The following DGKI variants were observed in gnomAD, a reference collection of about 807,000 sequenced individuals.
The protein encoded by DGKI is DAG kinase iota.
A neutral mutation model predicts 147.5 loss-of-function variants in DGKI; 55 were observed. The observed-to-expected ratio is 0.37, with a 90% confidence interval of 0.30 to 0.47. The LOEUF is 0.47. Ranked by LOEUF, DGKI falls within the 20% of genes least tolerant of loss-of-function variation. The probability of loss-of-function intolerance (pLI) is 1.00; values close to 1 mark genes in which losing one functional copy is unlikely to be tolerated. For synonymous variants in DGKI, 469 were observed against 477.1 expected (o/e 0.98, Z 0.22); for missense variants, 1,007 against 1,323.8 (o/e 0.76, Z 3.71).
chr7:137,455,752 G>A (rs2351385), intron 27 of DGKI, among the ~76,000 whole-genome samples: 107,919 of 151,456 alleles, frequency 0.71, 40,832 homozygotes, highest in Non-Finnish European at 0.84. Context: ...GGTTCAGAGG[G>A]CCCCAGAAGT....
intron 6 of DGKI, among the ~76,000 whole-genome samples, chr7:137,645,034 C>A (rs1485206375): frequency 6.6e-6 from 1 of 152,180 alleles, no homozygotes; most frequent in Admixed American, 6.5e-5. Context: ...TGGATAATGT[C>A]CCAAGGGAGC....
chr7:137,620,015 ACACG>A, intron 7 of DGKI, 75 bp from the exon 8 acceptor site: 3 of 701,844 alleles, frequency 4.3e-6, no homozygotes, highest in South Asian at 1.6e-5. Flanking sequence ...AAATATGTAC[ACACG>A]CACACACACA....
chr7:137,401,455 CA>C (rs1406187165), intron 30 of DGKI, among the ~76,000 whole-genome samples: 2 of 151,882 alleles, frequency 1.3e-5, no homozygotes, highest in Non-Finnish European at 2.9e-5. Context: ...TGCTTGAGCC[CA>C]GGAGATCAAA....
rs574115820 is a variant in DGKI, at chr7:137,679,196, A to T, written c.511-544T>A. On this transcript the variant is annotated intron_variant, in intron 2 of 32. Transcript: ENST00000614521. ...CTAAGTCCCTGTGTACTCAAAGCATAATACGTTTCTGCTAATTCACATCTT... is the reference window on the plus strand; with the variant it reads ...CTAAGTCCCTGTGTACTCAAAGCATTATACGTTTCTGCTAATTCACATCTT... Among the ~76,000 whole-genome samples the T allele has an allele frequency of 7.4e-4, 112 of 152,330 alleles. 1 individual carries two copies. Among genetic ancestry groups the T allele is most frequent in the African/African-American group, 2.5e-3 (104 of 41,578 alleles).
chr7:137,777,905 C>T (rs6978836), intron 1 of DGKI, among the ~76,000 whole-genome samples: 48,522 of 151,900 alleles, frequency 0.32, 7,922 homozygotes, highest in Middle Eastern at 0.42. Context: ...CCTAAAATTT[C>T]GTCATAAATA....
chr7:137,654,852 G>GGA, intron 4 of DGKI, 64 bp from the exon 5 acceptor site: 1 of 696,712 alleles, frequency 1.4e-6, no homozygotes, highest in South Asian at 2.1e-5. Context: ...TGAATTACCT[G>GGA]AAAAAAAAAA....
intron 22 of DGKI, 27 bp downstream of exon 22, chr7:137,487,583 A>T (rs751663862): frequency 1.9e-6 from 3 of 1,590,548 alleles, no homozygotes; most frequent in Non-Finnish European, 2.6e-6. Context: ...AGTTGAGGAG[A>T]ATAAAAAATT....
intron 23 of DGKI, among the ~76,000 whole-genome samples, chr7:137,470,352 T>G (rs541200625): frequency 4.6e-5 from 7 of 152,128 alleles, no homozygotes; most frequent in Non-Finnish European, 1.5e-5. Flanking sequence ...CCATCATTCT[T>G]TCCTCTGGGT....
At position 137,623,477 on chromosome 7, in the gene DGKI, T is replaced by A. The variant is rs754789718; in HGVS notation, c.876+6A>T. The A allele has an allele frequency of 5.0e-6, 8 of 1,613,588 alleles. No homozygotes were observed. The highest frequency in any genetic ancestry group is 6.8e-6 in the Non-Finnish European group (8 of 1,179,538). On this transcript the variant is annotated splice_donor_region_variant and intron_variant, in intron 7 of 32. Transcript: ENST00000614521. ...CCCACATTGCTTTATTTCATCCCAA[T>A]CTTACCGCCTGCTTGCACCAGGAAC...
chr7:137,580,431 G>A (rs1195667616), intron 15 of DGKI, among the ~76,000 whole-genome samples: 1 of 152,138 alleles, frequency 6.6e-6, no homozygotes, highest in Non-Finnish European at 1.5e-5. Context: ...GAGGCGGAAA[G>A]TGGTAGTGTT....
intron 2 of DGKI, among the ~76,000 whole-genome samples, chr7:137,685,551 A>G (rs1823386762): frequency 1.3e-5 from 2 of 152,232 alleles, no homozygotes; most frequent in South Asian, 4.1e-4. Context: ...ATGCTTCTAA[A>G]TGGACTAATT....
intron 1 of DGKI, among the ~76,000 whole-genome samples, chr7:137,737,477 C>T: frequency 6.6e-6 from 1 of 151,370 alleles, no homozygotes; most frequent in Non-Finnish European, 1.5e-5. Flanking sequence ...AAGCAAAAAC[C>T]TTGATGATAA....
At chr7:137,780,348 A>G (rs1460505380) in intron 1 of DGKI, among the ~76,000 whole-genome samples, 1 of 152,206 alleles carries the variant, frequency 6.6e-6, no homozygotes, top group Non-Finnish European at 1.5e-5. Context: ...TGATCAGAGA[A>G]GTAGAGTAAG....
chr7:137,701,248 A>G (rs1430114792), intron 1 of DGKI, among the ~76,000 whole-genome samples: 1 of 152,204 alleles, frequency 6.6e-6, no homozygotes, highest in Non-Finnish European at 1.5e-5. Context: ...ACATAATGGT[A>G]CAGAACTGAG....
At chr7:137,404,503 G>C (rs1396901690) in intron 30 of DGKI, among the ~76,000 whole-genome samples, 1 of 152,086 alleles carries the variant, frequency 6.6e-6, no homozygotes, top group Non-Finnish European at 1.5e-5. Context: ...GGTGATCCTT[G>C]GACTGAACAT....
chr7:137,555,288 G>C (rs534031700), intron 19 of DGKI, among the ~76,000 whole-genome samples: 17 of 151,960 alleles, frequency 1.1e-4, no homozygotes, highest in African/African-American at 3.9e-4. Flanking sequence ...CACTTTGGGA[G>C]GCCAAAGTGG....
intron 28 of DGKI, among the ~76,000 whole-genome samples, chr7:137,433,404 A>G (rs2128912417): frequency 1.3e-5 from 2 of 152,338 alleles, no homozygotes; most frequent in South Asian, 4.1e-4. Context: ...AGTCCTTTGC[A>G]AGAGGAGGCC....
chr7:137,393,258 C>T (rs1356888463), intron 32 of DGKI, among the ~76,000 whole-genome samples: 1 of 151,876 alleles, frequency 6.6e-6, no homozygotes, highest in South Asian at 2.1e-4. Flanking sequence ...ACATACACAA[C>T]ACAAAACAGA....
chr7:137,739,570 G>T (rs1795120066), intron 1 of DGKI, among the ~76,000 whole-genome samples: 1 of 152,136 alleles, frequency 6.6e-6, no homozygotes, highest in Non-Finnish European at 1.5e-5. Flanking sequence ...TGGCTTACTT[G>T]CTAATTTCCC....
Sources: allele counts gnomAD v4.1 joint callset (sites outside exome capture counted in the v4.1 genomes callset), GRCh38; gene constraint gnomAD v4.1.1; transcripts MANE v1.5; gene names NCBI Gene and HGNC (gene_info 2026-07-23, HGNC 2026-07-21).